Variants in GXYLT2 observed in about 807,000 individuals in gnomAD.
The protein encoded by GXYLT2 is glucoside xylosyltransferase 2, also known as glycosyltransferase 8 domain containing 4.
A neutral mutation model predicts 45.8 loss-of-function variants in GXYLT2; 53 were observed. That is an observed-to-expected ratio of 1.16 (90% CI 0.93 to 1.46). The LOEUF is 1.46. Among genes scored for constraint, GXYLT2 ranks in the 40% most tolerant of loss-of-function variants. GXYLT2 has a pLI of 0.00. For synonymous variants in GXYLT2, 219 were observed against 214.2 expected (o/e 1.02, Z -0.19); for missense variants, 551 against 544.4 (o/e 1.01, Z -0.12).
intron 1 of GXYLT2, among the ~76,000 whole-genome samples, chr3:72,903,739 G>A (rs1315787952): frequency 6.6e-6 from 1 of 152,208 alleles, no homozygotes; most frequent in Admixed American, 6.5e-5. Context: ...AGGAGGGAAT[G>A]GGTTCAGTGG....
intron 3 of GXYLT2, among the ~76,000 whole-genome samples, chr3:72,953,923 G>A (rs922917660): frequency 2.0e-5 from 3 of 151,784 alleles, no homozygotes; most frequent in African/African-American, 7.3e-5. Context: ...ACAACACCTC[G>A]TCTCCACAAA....
intron 3 of GXYLT2, among the ~76,000 whole-genome samples, chr3:72,928,336 G>A (rs1309783213): frequency 6.6e-6 from 1 of 152,202 alleles, no homozygotes; most frequent in Non-Finnish European, 1.5e-5. Context: ...GTGAGAATCG[G>A]TGACATTTGA....
At chr3:72,949,338 C>T (rs372209217) in intron 3 of GXYLT2, among the ~76,000 whole-genome samples, 19 of 152,102 alleles carry the variant, frequency 1.2e-4, no homozygotes, top group African/African-American at 4.3e-4. Flanking sequence ...TTAGATGTCA[C>T]TTCTGCTGGG....
At chr3:72,896,411 A>G (rs532740576) in intron 1 of GXYLT2, among the ~76,000 whole-genome samples, 2 of 151,724 alleles carry the variant, frequency 1.3e-5, no homozygotes, top group African/African-American at 4.8e-5. Flanking sequence ...ACCCATCTCT[A>G]TTTCAGTTTT....
intron 5 of GXYLT2, among the ~76,000 whole-genome samples, chr3:72,966,883 C>T (rs1437151545): frequency 1.3e-5 from 2 of 151,580 alleles, no homozygotes; most frequent in African/African-American, 4.9e-5. Flanking sequence ...CCTTGGCCTC[C>T]CAAAGTGCTG....
intron 3 of GXYLT2, among the ~76,000 whole-genome samples, chr3:72,925,457 C>T (rs1709901210): frequency 6.6e-6 from 1 of 152,102 alleles, no homozygotes; most frequent in South Asian, 2.1e-4. Flanking sequence ...CGCCTGGCCA[C>T]ATCGTCTGTT....
intron 3 of GXYLT2, among the ~76,000 whole-genome samples, chr3:72,954,885 T>G (rs960887534): frequency 6.6e-6 from 1 of 152,184 alleles, no homozygotes; most frequent in Non-Finnish European, 1.5e-5. Flanking sequence ...TTTATCTTCT[T>G]TTAAGTCTCT....
intron 2 of GXYLT2, among the ~76,000 whole-genome samples, chr3:72,914,781 G>C (rs1307597908): frequency 6.6e-6 from 1 of 152,128 alleles, no homozygotes; most frequent in Non-Finnish European, 1.5e-5. Flanking sequence ...CATAGAGCCT[G>C]GGTCTGTCTC....
Position 72,957,209 on chromosome 3 carries a change from G to T in GXYLT2, c.853-20G>T. 1 of 1,601,242 alleles carries T rather than the reference G, an allele frequency of 6.2e-7. No homozygotes were observed. The highest frequency in any genetic ancestry group is 8.5e-7 in the Non-Finnish European group (1 of 1,175,904). Reference sequence around the variant, plus strand: ...GTATTTGCTTTGCTTCAGCTGTTCTGATGGTTTTCTTTTTTCCAGAACAGC... The same window carrying T: ...GTATTTGCTTTGCTTCAGCTGTTCTTATGGTTTTCTTTTTTCCAGAACAGC... On this transcript the variant is annotated intron_variant, in intron 4 of 6. Transcript: ENST00000389617.
chr3:72,890,206 G>A (rs1042584678), intron 1 of GXYLT2, among the ~76,000 whole-genome samples: 1 of 130,792 alleles, frequency 7.6e-6, no homozygotes, highest in East Asian at 1.9e-4. Flanking sequence ...GAGCCACCGC[G>A]CCGGGCCCAA....
At chr3:72,888,803 A>C in intron 1 of GXYLT2, among the ~76,000 whole-genome samples, 1 of 152,158 alleles carries the variant, frequency 6.6e-6, no homozygotes, top group East Asian at 1.9e-4. Flanking sequence ...GCAAACATGC[A>C]CCCTTTGTTT....
chr3:72,967,778 G>A (rs1482570884), intron 6 of GXYLT2, 59 bp downstream of exon 6: 16 of 1,474,292 alleles, frequency 1.1e-5, no homozygotes, highest in Admixed American at 9.1e-5. Context: ...CAATATTGGC[G>A]CTTTAGTCAC....
intron 2 of GXYLT2, among the ~76,000 whole-genome samples, chr3:72,917,462 C>T (rs958527654): frequency 6.6e-6 from 1 of 152,058 alleles, no homozygotes; most frequent in African/African-American, 2.4e-5. Context: ...GGTCAGTACC[C>T]TTCATATATC....
At chr3:72,899,602 C>T (rs1253315719) in intron 1 of GXYLT2, among the ~76,000 whole-genome samples, 1 of 152,120 alleles carries the variant, frequency 6.6e-6, no homozygotes, top group African/African-American at 2.4e-5. Context: ...TTTCCAAAGC[C>T]TGTGGTTTGC....
intron 3 of GXYLT2, among the ~76,000 whole-genome samples, chr3:72,946,736 A>G (rs1710419242): frequency 6.6e-6 from 1 of 152,186 alleles, no homozygotes; most frequent in African/African-American, 2.4e-5. Context: ...GTGGGTTAAG[A>G]TTTTAACATA....
At chr3:72,913,024 G>GTTTTTTTTTTTTTTTTTT (rs1388983253) in intron 2 of GXYLT2, among the ~76,000 whole-genome samples, 1 of 145,220 alleles carries the variant, frequency 6.9e-6, no homozygotes, top group African/African-American at 2.6e-5. Flanking sequence ...ATTTCCTCAG[G>GTTTTTTTTTTTTTTTTTT]TTTTTTTTTT....
chr3:72,955,350 G>C lies in GXYLT2; in HGVS notation c.852+1G>C. 1 of 1,611,952 alleles carries C rather than the reference G, an allele frequency of 6.2e-7. No homozygotes were observed. Among genetic ancestry groups the C allele is most frequent in the Non-Finnish European group, 8.5e-7 (1 of 1,178,322 alleles). ...TCGGATAAGAAGTACCCAGTTCAAGGTAAACGAGTGCTTTAAAATTCCTTG... is the reference window on the plus strand; with the variant it reads ...TCGGATAAGAAGTACCCAGTTCAAGCTAAACGAGTGCTTTAAAATTCCTTG... On this transcript the variant is annotated splice_donor_variant, in intron 4 of 6. Coordinates refer to ENST00000389617, the MANE Select transcript of GXYLT2 (RefSeq NM_001080393.2). LOFTEE classifies it high-confidence loss of function.
At chr3:72,895,130 G>A (rs1297274180) in intron 1 of GXYLT2, among the ~76,000 whole-genome samples, 1 of 152,218 alleles carries the variant, frequency 6.6e-6, no homozygotes, top group Non-Finnish European at 1.5e-5. Flanking sequence ...CTCAGGGATT[G>A]CAACTGTATT....
chr3:72,901,872 C>T (rs1425133581), intron 1 of GXYLT2, among the ~76,000 whole-genome samples: 1 of 152,006 alleles, frequency 6.6e-6, no homozygotes, highest in Non-Finnish European at 1.5e-5. Flanking sequence ...CATTAATCTA[C>T]TTCCTGTCTC....
Sources: allele counts gnomAD v4.1 joint callset (sites outside exome capture counted in the v4.1 genomes callset), GRCh38; gene constraint gnomAD v4.1.1; transcripts MANE v1.5; gene names NCBI Gene and HGNC (gene_info 2026-07-23, HGNC 2026-07-21).